HLCS: variants seen among roughly 807,000 people sequenced by gnomAD.
The protein encoded by HLCS is holocarboxylase synthetase, also known as biotin--protein ligase.
In HLCS, 53 loss-of-function variants were observed where a neutral mutation model predicts 75.0. The ratio of observed to expected loss-of-function variants is 0.71; its 90% CI spans 0.57 to 0.89. The LOEUF is 0.89. Ranked by LOEUF, HLCS falls within the 40% of genes least tolerant of loss-of-function variation. The probability of loss-of-function intolerance (pLI) is 0.00; values close to 1 mark genes in which losing one functional copy is unlikely to be tolerated. For synonymous variants in HLCS, 431 were observed against 428.6 expected, an observed-to-expected ratio of 1.01 and a Z score of -0.07; for missense variants, 966 against 1,074.0, an observed-to-expected ratio of 0.90 and a Z score of 1.41.
At chr21:36,805,974 GCA>G (rs1285582617) in intron 6 of HLCS, 3 of 152,212 alleles carry the variant, frequency 2.0e-5, no homozygotes, top group Non-Finnish European at 4.4e-5. Flanking sequence ...ATTACAGTTT[GCA>G]AATGGTACAA....
At chr21:36,906,190 G>T (rs1290731599) in intron 5 of HLCS, among the ~76,000 whole-genome samples, 2 of 151,698 alleles carry the variant, frequency 1.3e-5, no homozygotes, top group African/African-American at 4.8e-5. Context: ...AACAAAATAT[G>T]TGCCAGACCT....
Position 36,952,706 on chromosome 21 carries a change from G to C in HLCS, c.330+9330C>G, listed in dbSNP as rs3787776. Among the ~76,000 whole-genome samples the C allele has an allele frequency of 6.3e-3, 949 of 149,648 alleles. 63 individuals are homozygous for C. In the East Asian group the frequency reaches 0.15, roughly 24 times the overall value. ...CCCGGGAGGCTGAGGCAGGAGAATT[G>C]CTTGAACCAGGAAGTCGGAGGTTGC... is the stretch of plus-strand genomic sequence containing the variant. On this transcript the variant is annotated intron_variant, in intron 2 of 10. Coordinates refer to ENST00000674895, the MANE Select transcript of HLCS (RefSeq NM_001352514.2).
chr21:36,919,674 T>C (rs1373841514), intron 5 of HLCS, among the ~76,000 whole-genome samples: 1 of 152,242 alleles, frequency 6.6e-6, no homozygotes, highest in Non-Finnish European at 1.5e-5. Flanking sequence ...AATTTCTTTG[T>C]AAATCTGAGG....
intron 2 of HLCS, among the ~76,000 whole-genome samples, chr21:36,941,936 G>A (rs1799837484): frequency 6.6e-6 from 1 of 152,100 alleles, no homozygotes. Context: ...GAACCCGGGA[G>A]GCAGAGGTTG....
At chr21:36,853,198 A>G (rs1226153115) in intron 6 of HLCS, among the ~76,000 whole-genome samples, 2 of 152,178 alleles carry the variant, frequency 1.3e-5, no homozygotes, top group African/African-American at 4.8e-5. Flanking sequence ...AAATCCACAG[A>G]GCCTCACTCT....
chr21:36,935,526 T>TA (rs1463834136), intron 4 of HLCS, among the ~76,000 whole-genome samples: 3 of 152,106 alleles, frequency 2.0e-5, no homozygotes, highest in Non-Finnish European at 4.4e-5. Flanking sequence ...TCTATCTCAA[T>TA]AAAAAGATCC....
chr21:36,885,615 T>C (rs2064417289), intron 6 of HLCS, among the ~76,000 whole-genome samples: 1 of 152,074 alleles, frequency 6.6e-6, no homozygotes, highest in African/African-American at 2.4e-5. Flanking sequence ...TTATAAAGGC[T>C]AAAAAGAATT....
chr21:36,762,530 T>A (rs2089886890), intron 8 of HLCS, among the ~76,000 whole-genome samples: 1 of 152,132 alleles, frequency 6.6e-6, no homozygotes, highest in Non-Finnish European at 1.5e-5. Flanking sequence ...GACGGTGACA[T>A]CTGGTTAGGG....
chr21:36,825,865 T>C (rs950106723), intron 6 of HLCS, among the ~76,000 whole-genome samples: 1 of 152,134 alleles, frequency 6.6e-6, no homozygotes, highest in African/African-American at 2.4e-5. Context: ...AAGAGGGGAC[T>C]AGAAGGCTGG....
intron 2 of HLCS, among the ~76,000 whole-genome samples, chr21:36,960,143 C>CCCCCG (rs2068213410): frequency 8.3e-6 from 1 of 121,148 alleles, no homozygotes; most frequent in African/African-American, 3.1e-5. Context: ...CCCCCCCCCC[C>CCCCCG]CCGACCCTGC....
chr21:36,889,528 G>C (rs1160443704), intron 6 of HLCS, among the ~76,000 whole-genome samples: 1 of 152,204 alleles, frequency 6.6e-6, no homozygotes, highest in African/African-American at 2.4e-5. Context: ...AGATTAAATG[G>C]AATGTGCCAC....
intron 5 of HLCS, among the ~76,000 whole-genome samples, chr21:36,920,382 G>A (rs2066112507): frequency 6.6e-6 from 1 of 151,082 alleles, no homozygotes; most frequent in South Asian, 2.1e-4. Flanking sequence ...GGAAGGTGGG[G>A]CAGAGATGGG....
chr21:36,950,771 G>T (rs1336779558), intron 2 of HLCS, among the ~76,000 whole-genome samples: 1 of 151,800 alleles, frequency 6.6e-6, no homozygotes, highest in African/African-American at 2.4e-5. Context: ...TCCTTAATTT[G>T]GCCACCCATT....
rs929325558 is a variant in HLCS, at chr21:36,962,242, T to G, written c.196-72A>C. 10 of 1,030,198 alleles carry G rather than the reference T, an allele frequency of 9.7e-6. No homozygotes were observed. In the Admixed American group the frequency reaches 1.3e-4, roughly 13 times the overall value. 63.8% of individuals were successfully genotyped at this position (1,030,198 alleles called of 1,614,324 possible). ...AACTGCCATAAATTTCAACCCCCTCTGAAACATACCCTCCCCTATAATTCC... is the reference window on the plus strand; with the variant it reads ...AACTGCCATAAATTTCAACCCCCTCGGAAACATACCCTCCCCTATAATTCC... On this transcript the variant is annotated intron_variant, in intron 1 of 10. Coordinates refer to ENST00000674895, the MANE Select transcript of HLCS (RefSeq NM_001352514.2).
intron 8 of HLCS, among the ~76,000 whole-genome samples, chr21:36,761,893 A>ACGTG (rs2089860682): frequency 6.6e-6 from 1 of 152,202 alleles, no homozygotes; most frequent in Admixed American, 6.5e-5. Context: ...CTCCTCCGCC[A>ACGTG]CGTGCGTGGC....
intron 6 of HLCS, among the ~76,000 whole-genome samples, chr21:36,829,725 A>G (rs944495458): frequency 2.0e-5 from 3 of 152,194 alleles, no homozygotes; most frequent in African/African-American, 7.2e-5. Context: ...GATACTAAAA[A>G]ACCTGAGAGA....
At chr21:36,936,422 T>C (rs1422358873) in intron 4 of HLCS, 27 bp downstream of exon 4, 1 of 1,584,418 alleles carries the variant, frequency 6.3e-7, no homozygotes, top group Non-Finnish European at 8.7e-7. Flanking sequence ...TACCCAAAGA[T>C]CACCAAATCC....
chr21:36,939,084 AG>A, intron 2 of HLCS, 90 bp from the exon 3 acceptor site: 1 of 1,184,038 alleles, frequency 8.4e-7, no homozygotes, highest in Non-Finnish European at 1.2e-6. Flanking sequence ...TTTTCCCTTG[AG>A]GCTCCTACCA....
In HLCS at chr21:36,768,525, G is replaced by A. The variant is rs898359020; in HGVS notation, c.1893-1240C>T. ...GGCTCACAGAGCTCCGTCTGACGGC[G>A]CATGCAGGCCTCAGTTGGGACAGAA... is the stretch of plus-strand genomic sequence containing the variant. On this transcript the variant is annotated intron_variant, in intron 6 of 10. Coordinates refer to ENST00000674895, the MANE Select transcript of HLCS (RefSeq NM_001352514.2). Among the ~76,000 whole-genome samples the A allele has an allele frequency of 9.8e-5, 15 of 152,306 alleles. No individual in the cohort carries two copies. The East Asian group carries it at 2.1e-3, about 22-fold the overall frequency.
Sources: allele counts gnomAD v4.1 joint callset (sites outside exome capture counted in the v4.1 genomes callset), GRCh38; gene constraint gnomAD v4.1.1; transcripts MANE v1.5; gene names NCBI Gene and HGNC (gene_info 2026-07-23, HGNC 2026-07-21).